The following SPINK9 variants were observed in gnomAD, a reference collection of about 807,000 sequenced individuals.
SPINK9 encodes serine protease inhibitor Kazal-type 9.
SPINK9 carries 3 observed loss-of-function variants against 10.8 expected under a neutral mutation model. The observed-to-expected ratio is 0.28, with a 90% CI of 0.13 to 0.72. The LOEUF is 0.72. Among genes scored for constraint, SPINK9 ranks in the 30% least tolerant of loss-of-function variants. The probability of loss-of-function intolerance (pLI) is 0.74; values close to 1 mark genes in which losing one functional copy is unlikely to be tolerated. For synonymous variants in SPINK9, 30 were observed against 31.2 expected (o/e 0.96, Z 0.12); for missense variants, 101 against 103.2 (o/e 0.98, Z 0.09).
chr5:148,332,094 G>T (rs1209338882), upstream of SPINK9, among the ~76,000 whole-genome samples: 2 of 152,174 alleles, frequency 1.3e-5, no homozygotes, highest in African/African-American at 4.8e-5. Flanking sequence ...AAGTTCTTTG[G>T]TCTATTCTTG....
intron 2 of SPINK9, among the ~76,000 whole-genome samples, chr5:148,326,713 T>A (rs894624231): frequency 5.3e-5 from 8 of 152,060 alleles, no homozygotes; most frequent in Admixed American, 1.3e-4. Context: ...CCTTCCTGTG[T>A]CCAAGTGTTC....
At chr5:148,330,285 T>C (rs1757130804) in intron 2 of SPINK9, among the ~76,000 whole-genome samples, 1 of 152,208 alleles carries the variant, frequency 6.6e-6, no homozygotes, top group Non-Finnish European at 1.5e-5. Context: ...CTTTTGATCT[T>C]TGTTGATTTA....
At chr5:148,331,687 A>G (rs1757153778), upstream of SPINK9, among the ~76,000 whole-genome samples, 1 of 152,242 alleles carries the variant, frequency 6.6e-6, no homozygotes, top group Admixed American at 6.5e-5. Context: ...AGATTTGATC[A>G]TTCCACAATG....
upstream of SPINK9, chr5:148,335,449 C>T (rs973939920): frequency 3.5e-6 from 2 of 566,824 alleles, no homozygotes; most frequent in East Asian, 2.9e-5. Flanking sequence ...CCCCATGGCT[C>T]GCAGACATTT....
chr5:148,338,714 T>C (rs1339564520), intron 3 of SPINK9, 109 bp downstream of exon 3: 1 of 794,240 alleles, frequency 1.3e-6, no homozygotes, highest in Non-Finnish European at 1.9e-6. Flanking sequence ...TATCATACTG[T>C]CTCTAACAAA....
intron 3 of SPINK9, 104 bp from the exon 4 acceptor site, chr5:148,339,563 G>A (rs1003635096): frequency 2.5e-5 from 24 of 944,616 alleles, no homozygotes; most frequent in East Asian, 5.0e-5. Context: ...ATCAATAAGC[G>A]GGGAAACTTG....
intron 2 of SPINK9, 51 bp from the exon 3 acceptor site, chr5:148,338,427 A>G: frequency 6.5e-7 from 1 of 1,545,314 alleles, no homozygotes; most frequent in Non-Finnish European, 8.7e-7. Flanking sequence ...CTAAATCCTG[A>G]TAATAAAGAT....
At chr5:148,327,300 A>T (rs984102443) in intron 2 of SPINK9, among the ~76,000 whole-genome samples, 4 of 152,174 alleles carry the variant, frequency 2.6e-5, no homozygotes, top group Non-Finnish European at 4.4e-5. Flanking sequence ...GGCCGCATAA[A>T]TGTCTTCTTT....
intron 2 of SPINK9, among the ~76,000 whole-genome samples, chr5:148,326,410 G>C (rs372127106): frequency 5.3e-4 from 81 of 152,140 alleles, no homozygotes; most frequent in African/African-American, 1.8e-3. Context: ...CAAAGAAACT[G>C]AAACTGGTAG....
upstream of SPINK9, among the ~76,000 whole-genome samples, chr5:148,335,326 G>C (rs112302244): frequency 6.6e-6 from 1 of 152,180 alleles, no homozygotes; most frequent in East Asian, 1.9e-4. Flanking sequence ...GATTATGTAC[G>C]TAATTGTAGT....
intron 2 of SPINK9, among the ~76,000 whole-genome samples, chr5:148,326,596 G>C (rs893363039): frequency 1.3e-5 from 2 of 152,130 alleles, no homozygotes; most frequent in African/African-American, 4.8e-5. Flanking sequence ...CATGTGCCAT[G>C]TTGGTGTGCT....
At chr5:148,336,991 T>C (rs771719590) in intron 2 of SPINK9, among the ~76,000 whole-genome samples, 6 of 152,176 alleles carry the variant, frequency 3.9e-5, no homozygotes, top group Non-Finnish European at 7.3e-5. Flanking sequence ...CTGTTGCTTA[T>C]TAACTGTGTG....
intron 2 of SPINK9, among the ~76,000 whole-genome samples, chr5:148,337,586 T>A (rs190321116): frequency 6.6e-6 from 1 of 152,318 alleles, no homozygotes; most frequent in African/African-American, 2.4e-5. Context: ...CTGGAGTTTG[T>A]GTAGACCTGA....
intron 2 of SPINK9, among the ~76,000 whole-genome samples, chr5:148,329,424 C>G (rs1286485717): frequency 6.6e-6 from 1 of 152,136 alleles, no homozygotes; most frequent in Non-Finnish European, 1.5e-5. Context: ...TGCTAGCCGT[C>G]TATCAATTTT....
intron 2 of SPINK9, among the ~76,000 whole-genome samples, chr5:148,326,592 C>T (rs954917462): frequency 1.3e-5 from 2 of 152,076 alleles, no homozygotes; most frequent in Non-Finnish European, 2.9e-5. Context: ...TATACATGTG[C>T]CATGTTGGTG....
chr5:148,330,334 C>CT (rs976828466), intron 2 of SPINK9, among the ~76,000 whole-genome samples: 6 of 152,020 alleles, frequency 3.9e-5, no homozygotes, highest in African/African-American at 7.2e-5. Context: ...CAACCCCTGC[C>CT]TTTTTTTGTT....
chr5:148,324,617 T>G (rs1757035684), intron 2 of SPINK9, among the ~76,000 whole-genome samples: 1 of 152,056 alleles, frequency 6.6e-6, no homozygotes, highest in South Asian at 2.1e-4. Flanking sequence ...ACAAAATCAC[T>G]GGTCTATAAC....
intron 2 of SPINK9, among the ~76,000 whole-genome samples, chr5:148,325,147 A>T (rs1757043142): frequency 1.3e-5 from 2 of 152,068 alleles, no homozygotes; most frequent in Non-Finnish European, 2.9e-5. Context: ...ATTCCATTGC[A>T]TGGATATATG....
rs376027063 is a variant in SPINK9, at chr5:148,339,802, C to T, written c.*90C>T. The T allele has an allele frequency of 6.8e-6, 7 of 1,035,176 alleles. No individual in the cohort carries two copies. Among genetic ancestry groups the T allele is most frequent in the Non-Finnish European group, 1.0e-5 (7 of 670,538 alleles). The allele number at this position is 1,035,176 out of a possible 1,614,324, so 64.1% of individuals were successfully genotyped here. A position where few individuals can be genotyped will look rare whatever the true frequency, so the allele number is the denominator to read the frequency against. ...CATATTATCTATGCCACATTGCCTA[C>T]TCATCACCATATGTAGATTTCTTTG... On this transcript the variant is annotated 3_prime_UTR_variant, in exon 4 of 4. Coordinates refer to ENST00000377906, the MANE Select transcript of SPINK9 (RefSeq NM_001040433.2).
Sources: allele counts gnomAD v4.1 joint callset (sites outside exome capture counted in the v4.1 genomes callset), GRCh38; gene constraint gnomAD v4.1.1; transcripts MANE v1.5; gene names NCBI Gene and HGNC (gene_info 2026-07-23, HGNC 2026-07-21).